PTCRA: variants seen among roughly 807,000 people sequenced by gnomAD.
The protein encoded by PTCRA is pre T cell antigen receptor alpha.
In PTCRA, 9 loss-of-function variants were observed where a neutral mutation model predicts 13.4. That is an observed-to-expected ratio of 0.67 (90% confidence interval 0.41 to 1.18). The LOEUF (loss-of-function observed/expected upper bound fraction) is 1.18. Among genes scored for constraint, PTCRA ranks in the 50% most tolerant of loss-of-function variants. The pLI, the probability that PTCRA is intolerant of heterozygous loss-of-function variation, is 0.01. For synonymous variants in PTCRA, 153 were observed against 161.9 expected, an observed-to-expected ratio of 0.94 and a Z score of 0.42; for missense variants, 353 against 359.8, an observed-to-expected ratio of 0.98 and a Z score of 0.15.
At position 42,918,596 on chromosome 6, in the gene PTCRA, C is replaced by T. The variant is rs1003214698; in HGVS notation, c.58+2469C>T. On this transcript the variant is annotated intron_variant, in intron 1 of 3. Transcript: ENST00000304672. ...ATAATAATGAAATAAAATAAAGACTCAGAAAATTAAGTGAATGAGTCAGGA... is the reference window on the plus strand; with the variant it reads ...ATAATAATGAAATAAAATAAAGACTTAGAAAATTAAGTGAATGAGTCAGGA... Among the ~76,000 whole-genome samples the T allele has an allele frequency of 4.6e-5, 7 of 151,650 alleles. 1 individual carries two copies. Among genetic ancestry groups the T allele is most frequent in the Non-Finnish European group, 8.8e-5 (6 of 67,944 alleles).
intron 1 of PTCRA, chr6:42,922,126 C>T (rs1767198959): frequency 2.2e-5 from 15 of 667,552 alleles, no homozygotes; most frequent in South Asian, 6.5e-5. Flanking sequence ...GATTAACAAA[C>T]GTTTAACATT....
chr6:42,924,898 G>A (rs1007738976), intron 3 of PTCRA, among the ~76,000 whole-genome samples: 1 of 152,038 alleles, frequency 6.6e-6, no homozygotes, highest in African/African-American at 2.4e-5. Flanking sequence ...TTGAACCCGG[G>A]AGGTGGAGGT....
intron 1 of PTCRA, among the ~76,000 whole-genome samples, chr6:42,918,412 C>T (rs183429459): frequency 4.0e-5 from 6 of 149,602 alleles, no homozygotes; most frequent in South Asian, 2.1e-4. Context: ...AAATTAGCCA[C>T]GCGTGGTGGT....
chr6:42,921,406 A>C (rs189866436), intron 1 of PTCRA, among the ~76,000 whole-genome samples: 2,309 of 141,946 alleles, frequency 0.016, 77 homozygotes, highest in African/African-American at 0.059. Flanking sequence ...CCAGCCAACA[A>C]AGCTTCTTTT....
intron 1 of PTCRA, chr6:42,922,163 A>G (rs1174326326): frequency 1.5e-6 from 1 of 687,070 alleles, no homozygotes; most frequent in African/African-American, 1.8e-5. Context: ...AGACTTTTAA[A>G]AAAAGAAACA....
At chr6:42,920,703 G>A (rs778880043) in intron 1 of PTCRA, among the ~76,000 whole-genome samples, 2 of 152,082 alleles carry the variant, frequency 1.3e-5, no homozygotes, top group Non-Finnish European at 2.9e-5. Context: ...GGGATTACAG[G>A]CTTGAGCCAC....
At chr6:42,923,390 T>C in intron 2 of PTCRA, 43 bp downstream of exon 2, 1 of 1,567,386 alleles carries the variant, frequency 6.4e-7, no homozygotes, top group Non-Finnish European at 8.8e-7. Context: ...CCCTGTCCCC[T>C]TCCACACACC....
rs1562528964 is a variant in PTCRA at position 42,923,039 on chromosome 6, C to T, written c.71C>T (p.Thr24Ile). Residue 24 changes from threonine (T) to isoleucine (I), a missense_variant, in exon 2 of 4, where the codon ACA becomes ATA. Transcript: ENST00000304672. ...CPALPTGVGGTPFPSLAPPIM... is the reference protein window; with the variant it reads ...CPALPTGVGGIPFPSLAPPIM... ...TGCTCTCTTGCAGGTGTGGGCGGCACACCCTTTCCTTCTCTGGCCCCACCA... is the reference window on the plus strand; with the variant it reads ...TGCTCTCTTGCAGGTGTGGGCGGCATACCCTTTCCTTCTCTGGCCCCACCA... The T allele has an allele frequency of 6.2e-7, 1 of 1,614,064 alleles. No homozygotes were observed. Among genetic ancestry groups the T allele is most frequent in the Non-Finnish European group, 8.5e-7 (1 of 1,180,014 alleles).
At chr6:42,920,476 G>A (rs1455304580) in intron 1 of PTCRA, among the ~76,000 whole-genome samples, 1 of 151,168 alleles carries the variant, frequency 6.6e-6, no homozygotes, top group Admixed American at 6.6e-5. Context: ...CCAGGCTGGA[G>A]TGCAGTGGCG....
chr6:42,922,006 C>T (rs529936796), intron 1 of PTCRA, among the ~76,000 whole-genome samples: 9 of 151,920 alleles, frequency 5.9e-5, no homozygotes, highest in Admixed American at 1.3e-4. Flanking sequence ...GTCTGGGAGA[C>T]GTAGCAAGAC....
chr6:42,921,733 CA>C (rs371462556), intron 1 of PTCRA, among the ~76,000 whole-genome samples: 7,666 of 88,074 alleles, frequency 0.087, 261 homozygotes, highest in East Asian at 0.17. Context: ...CTTTTTTTTT[CA>C]AAAAAAAAAA....
intron 3 of PTCRA, among the ~76,000 whole-genome samples, chr6:42,924,567 G>A (rs1264732082): frequency 6.6e-6 from 1 of 152,128 alleles, no homozygotes; most frequent in Non-Finnish European, 1.5e-5. Flanking sequence ...CCAGGCAGGG[G>A]GGTCTCAGCA....
Position 42,925,141 on chromosome 6 carries a change from T to A in PTCRA, c.425-120T>A. On this transcript the variant is annotated intron_variant, in intron 3 of 3. Coordinates refer to ENST00000304672, the MANE Select transcript of PTCRA (RefSeq NM_138296.3). The surrounding 1 kb of genome is among the most constrained non-coding windows in gnomAD (Gnocchi z 4.4). ...GGAGGCTAGACACCGGGAAGGACTTTCCCTGGAGGAGGGGGTGAAGGGGAC... is the reference window on the plus strand; with the variant it reads ...GGAGGCTAGACACCGGGAAGGACTTACCCTGGAGGAGGGGGTGAAGGGGAC... The A allele has an allele frequency of 1.5e-6, 2 of 1,343,728 alleles. No individual in the cohort carries two copies. Among genetic ancestry groups the A allele is most frequent in the Non-Finnish European group, 2.0e-6 (2 of 1,007,272 alleles). The allele number at this position is 1,343,728 out of a possible 1,614,324, so 83.2% of individuals were successfully genotyped here. A position where few individuals can be genotyped will look rare whatever the true frequency, so the allele number is the denominator to read the frequency against.
rs1368062902 is a variant in PTCRA, at chr6:42,925,737, C to A, written c.*55C>A. 1 of 1,289,658 alleles carries A rather than the reference C, an allele frequency of 7.8e-7. No homozygotes were observed. The highest frequency in any genetic ancestry group is 1.0e-6 in the Non-Finnish European group (1 of 954,266). The allele number at this position is 1,289,658 out of a possible 1,614,324, so 79.9% of individuals were successfully genotyped here. The stretch of plus-strand genomic sequence containing the variant: ...CTGTGTGAGGCTGTGTCTCTGCCAT[C>A]CAAAAGGGGGCCCCTTGAGAATGGT... On this transcript the variant is annotated 3_prime_UTR_variant, in exon 4 of 4. Transcript: ENST00000304672. The surrounding 1 kb of genome is among the most constrained non-coding windows in gnomAD (Gnocchi z 4.4).
chr6:42,922,767 C>T (rs1767247995), intron 1 of PTCRA, among the ~76,000 whole-genome samples: 1 of 149,860 alleles, frequency 6.7e-6, no homozygotes, highest in Admixed American at 6.6e-5. Flanking sequence ...AGAAAGAATA[C>T]ATGGAGGATA....
At chr6:42,923,744 A>G (rs1767300431) in intron 2 of PTCRA, among the ~76,000 whole-genome samples, 1 of 152,214 alleles carries the variant, frequency 6.6e-6, no homozygotes, top group Non-Finnish European at 1.5e-5. Context: ...TTTATGAGAC[A>G]GGTCATATAA....
chr6:42,919,206 G>A (rs927656402), intron 1 of PTCRA, among the ~76,000 whole-genome samples: 3 of 152,016 alleles, frequency 2.0e-5, no homozygotes, highest in African/African-American at 7.2e-5. Flanking sequence ...ATGTTAGCCA[G>A]GATGGTCTCG....
chr6:42,917,006 A>G (rs1188034532), intron 1 of PTCRA, among the ~76,000 whole-genome samples: 1 of 151,920 alleles, frequency 6.6e-6, no homozygotes, highest in African/African-American at 2.4e-5. Context: ...TATCTATATA[A>G]CTGAAAAGGC....
chr6:42,925,496 G>T lies in PTCRA; in HGVS notation c.660G>T (p.Trp220Cys), dbSNP rs961100064. The T allele has an allele frequency of 5.7e-6, 9 of 1,565,802 alleles. No individual in the cohort carries two copies. In the African/African-American group the frequency reaches 1.2e-4, roughly 21 times the overall value. ...GACCCCAGCCTCGGGACCGCCGCTG[G>T]GGTGACACCCCTCCGGGTCGGAAGC... ...SPRPQPRDRR[W>C]GDTPPGRKPG... Residue 220 changes from tryptophan (W) to cysteine (C), a missense_variant, in exon 4 of 4, where the codon TGG becomes TGT. Coordinates refer to ENST00000304672, the MANE Select transcript of PTCRA (RefSeq NM_138296.3). The surrounding 1 kb of genome is among the most constrained non-coding windows in gnomAD (Gnocchi z 4.4).
Sources: allele counts gnomAD v4.1 joint callset (sites outside exome capture counted in the v4.1 genomes callset), GRCh38; gene constraint gnomAD v4.1.1; non-coding constraint Gnocchi (gnomAD v3.1); transcripts MANE v1.5; gene names NCBI Gene and HGNC (gene_info 2026-07-23, HGNC 2026-07-21).